The following PRKCA variants were observed in gnomAD, a reference collection of about 807,000 sequenced individuals.
The protein encoded by PRKCA is protein kinase C alpha.
Under a neutral mutation model 87.0 loss-of-function variants are expected in PRKCA, and 27 were observed. The ratio of observed to expected loss-of-function variants is 0.31; its 90% CI spans 0.23 to 0.43. The LOEUF is 0.43. Among genes scored for constraint, PRKCA ranks in the 20% least tolerant of loss-of-function variants. PRKCA has a pLI of 1.00. For synonymous variants in PRKCA, 329 were observed against 311.1 expected, an observed-to-expected ratio of 1.06 and a Z score of -0.61; for missense variants, 518 against 852.3, an observed-to-expected ratio of 0.61 and a Z score of 4.88.
intron 4 of PRKCA, among the ~76,000 whole-genome samples, chr17:66,642,016 G>A (rs9889698): frequency 0.59 from 89,007 of 151,938 alleles, 26,053 homozygotes; most frequent in Admixed American, 0.6. Context: ...GGCTCAAAAC[G>A]CTGAGGACCA....
chr17:66,556,248 G>A (rs1450705184), intron 3 of PRKCA, among the ~76,000 whole-genome samples: 1 of 150,892 alleles, frequency 6.6e-6, no homozygotes, highest in Non-Finnish European at 1.5e-5. Flanking sequence ...ACTAAAATAT[G>A]CATTTGTACC....
intron 2 of PRKCA, among the ~76,000 whole-genome samples, chr17:66,405,554 A>AG (rs1490740195): frequency 6.6e-6 from 1 of 152,094 alleles, no homozygotes; most frequent in Non-Finnish European, 1.5e-5. Context: ...AATAGGGAGA[A>AG]AAAAAAAACC....
chr17:66,343,913 C>T (rs1567781351), intron 2 of PRKCA, among the ~76,000 whole-genome samples: 1 of 152,030 alleles, frequency 6.6e-6, no homozygotes, highest in Non-Finnish European at 1.5e-5. Context: ...ATGATGCCTA[C>T]CATTGTATGT....
chr17:66,582,085 T>G (rs1969458231), intron 3 of PRKCA, among the ~76,000 whole-genome samples: 1 of 152,186 alleles, frequency 6.6e-6, no homozygotes, highest in African/African-American at 2.4e-5. Context: ...TTAAATATTT[T>G]GAATATCACT....
chr17:66,681,990 G>A (rs1314995489), intron 5 of PRKCA, among the ~76,000 whole-genome samples: 1 of 152,186 alleles, frequency 6.6e-6, no homozygotes, highest in Non-Finnish European at 1.5e-5. Flanking sequence ...AGCCTGCACT[G>A]TGCCATCTAC....
intron 5 of PRKCA, among the ~76,000 whole-genome samples, chr17:66,683,176 GT>G (rs1176899053): frequency 6.6e-6 from 1 of 152,184 alleles, no homozygotes; most frequent in Non-Finnish European, 1.5e-5. Context: ...TATTTTCATT[GT>G]GTTTACTTTT....
At chr17:66,457,439 A>C (rs1396606305) in intron 2 of PRKCA, among the ~76,000 whole-genome samples, 1 of 152,044 alleles carries the variant, frequency 6.6e-6, no homozygotes, top group Non-Finnish European at 1.5e-5. Context: ...GCCACCTCAG[A>C]GGGCTGTTGA....
intron 2 of PRKCA, chr17:66,414,897 A>G (rs1017142069): frequency 3.9e-5 from 6 of 152,166 alleles, no homozygotes; most frequent in Non-Finnish European, 7.3e-5. Flanking sequence ...TAGTTTAGTG[A>G]CATGATGTTA....
chr17:66,615,598 C>T (rs1470930365), intron 3 of PRKCA, among the ~76,000 whole-genome samples: 1 of 152,138 alleles, frequency 6.6e-6, no homozygotes, highest in Non-Finnish European at 1.5e-5. Flanking sequence ...TGATCACCTG[C>T]CACTGTAGCA....
chr17:66,577,428 ACTGCAGCCTGGGCAAGGGAGTC>A (rs1347030457), intron 3 of PRKCA, among the ~76,000 whole-genome samples: 1 of 152,100 alleles, frequency 6.6e-6, no homozygotes, highest in East Asian at 1.9e-4. Context: ...TGGGATGTGG[ACTGCAGCCTGGGCAAGGGAGTC>A]CCTTGAGATG....
intron 3 of PRKCA, among the ~76,000 whole-genome samples, chr17:66,511,479 G>C (rs1234616671): frequency 6.6e-6 from 1 of 152,216 alleles, no homozygotes; most frequent in South Asian, 2.1e-4. Context: ...GTAATTCATC[G>C]TAATCGTTGT....
intron 16 of PRKCA, among the ~76,000 whole-genome samples, chr17:66,797,455 G>A (rs868526080): frequency 6.6e-5 from 10 of 152,186 alleles, no homozygotes; most frequent in African/African-American, 1.9e-4. Context: ...TATTAATAAC[G>A]TTCCTTCGTC....
chr17:66,397,203 G>A (rs1313834565), intron 2 of PRKCA, among the ~76,000 whole-genome samples: 1 of 149,088 alleles, frequency 6.7e-6, no homozygotes, highest in African/African-American at 2.5e-5. Context: ...GACCTCAGGT[G>A]ATCCACCTCC....
chr17:66,558,645 A>G (rs1439243055), intron 3 of PRKCA, among the ~76,000 whole-genome samples: 1 of 152,180 alleles, frequency 6.6e-6, no homozygotes, highest in African/African-American at 2.4e-5. Flanking sequence ...TGAGATCATC[A>G]TAAAGATGGC....
chr17:66,609,012 C>A (rs181209864), intron 3 of PRKCA, among the ~76,000 whole-genome samples: 1 of 152,172 alleles, frequency 6.6e-6, no homozygotes, highest in African/African-American at 2.4e-5. Context: ...ATGCAGTTTG[C>A]GTGAATGAAG....
At chr17:66,568,325 A>C (rs193024353) in intron 3 of PRKCA, among the ~76,000 whole-genome samples, 134 of 152,256 alleles carry the variant, frequency 8.8e-4, no homozygotes, top group African/African-American at 3.1e-3. Context: ...AAAAACCCCC[A>C]AAAAATAGAT....
intron 2 of PRKCA, among the ~76,000 whole-genome samples, chr17:66,483,662 T>C (rs140260241): frequency 0.029 from 4,372 of 151,866 alleles, 212 homozygotes; most frequent in African/African-American, 0.1. Flanking sequence ...AGGGTTTCAC[T>C]GTGTTATCCA....
chr17:66,637,565 G>A (rs1247085496), intron 3 of PRKCA, among the ~76,000 whole-genome samples: 1 of 152,102 alleles, frequency 6.6e-6, no homozygotes, highest in Non-Finnish European at 1.5e-5. Flanking sequence ...AACCTGTCAA[G>A]GAAGATGTTG....
intron 2 of PRKCA, among the ~76,000 whole-genome samples, chr17:66,475,446 T>TC (rs1328691032): frequency 6.6e-6 from 1 of 152,208 alleles, no homozygotes; most frequent in Non-Finnish European, 1.5e-5. Context: ...TTTCGAATGA[T>TC]CCTTATTACT....
Sources: allele counts gnomAD v4.1 joint callset (sites outside exome capture counted in the v4.1 genomes callset), GRCh38; gene constraint gnomAD v4.1.1; transcripts MANE v1.5; gene names NCBI Gene and HGNC (gene_info 2026-07-23, HGNC 2026-07-21).